The following DLG2 variants were observed in gnomAD, a reference collection of about 807,000 sequenced individuals.
DLG2 encodes discs large MAGUK scaffold protein 2, also known as disks large homolog 2.
DLG2 carries 45 observed loss-of-function variants against 132.5 expected under a neutral mutation model. The observed-to-expected ratio is 0.34, with a 90% CI of 0.27 to 0.44. DLG2 has a LOEUF of 0.44. Among genes scored for constraint, DLG2 ranks in the 20% least tolerant of loss-of-function variants. The pLI, the probability that DLG2 is intolerant of heterozygous loss-of-function variation, is 1.00. For missense variants in DLG2, 1,045 were observed against 1,196.9 expected, an observed-to-expected ratio of 0.87 and a Z score of 1.87; for synonymous variants, 424 against 419.6, an observed-to-expected ratio of 1.01 and a Z score of -0.13.
chr11:84,430,881 T>G (rs1233960107), intron 7 of DLG2, among the ~76,000 whole-genome samples: 1 of 152,192 alleles, frequency 6.6e-6, no homozygotes, highest in African/African-American at 2.4e-5. Flanking sequence ...AGGCAGACAC[T>G]GGCGCTGAGT....
intron 7 of DLG2, among the ~76,000 whole-genome samples, chr11:84,328,521 G>A (rs1366176431): frequency 6.6e-6 from 1 of 152,118 alleles, no homozygotes; most frequent in Non-Finnish European, 1.5e-5. Flanking sequence ...TTTTGGAGCT[G>A]TCATAACCAG....
intron 21 of DLG2, among the ~76,000 whole-genome samples, chr11:83,514,009 C>T (rs928996280): frequency 3.4e-4 from 52 of 152,130 alleles, no homozygotes; most frequent in African/African-American, 1.1e-3. Context: ...CTTGGCAATG[C>T]GGGCTCTTTT....
intron 6 of DLG2, among the ~76,000 whole-genome samples, chr11:84,934,142 GTCTT>G (rs1416689157): frequency 6.6e-6 from 1 of 151,838 alleles, no homozygotes; most frequent in Admixed American, 6.6e-5. Flanking sequence ...TGTGGTTTTT[GTCTT>G]TATTTCTGTT....
At chr11:83,779,211 A>ATCC (rs2094707589) in intron 18 of DLG2, among the ~76,000 whole-genome samples, 1 of 152,152 alleles carries the variant, frequency 6.6e-6, no homozygotes, top group Admixed American at 6.6e-5. Context: ...ATGAATGGAT[A>ATCC]AGCAGCTGGC....
At chr11:84,334,994 A>T (rs1027069897) in intron 7 of DLG2, among the ~76,000 whole-genome samples, 4 of 152,136 alleles carry the variant, frequency 2.6e-5, no homozygotes, top group South Asian at 4.1e-4. Flanking sequence ...CTACAGGAAG[A>T]AATACATTCC....
At position 83,915,525 on chromosome 11, in the gene DLG2, T is replaced by C. The variant is rs182649104; in HGVS notation, c.1496+14803A>G. Among the ~76,000 whole-genome samples, 806 of 152,314 alleles carry C rather than the reference T, an allele frequency of 5.3e-3. 12 individuals carry two copies. The highest frequency in any genetic ancestry group is 0.019 in the African/African-American group (771 of 41,578). ...AAAAGTAGTTAGTAAATGAGAACTA[T>C]AGCCATGTTAAAAATGTAAAAATCT... On this transcript the variant is annotated intron_variant, in intron 15 of 27. Transcript: ENST00000376104.
At chr11:84,806,457 A>G (rs2153966577) in intron 6 of DLG2, among the ~76,000 whole-genome samples, 1 of 152,328 alleles carries the variant, frequency 6.6e-6, no homozygotes, top group South Asian at 2.1e-4. Context: ...TTTTACCTAT[A>G]GGGAAAAATC....
intron 4 of DLG2, among the ~76,000 whole-genome samples, chr11:85,268,310 G>T (rs989291986): frequency 6.6e-6 from 1 of 152,158 alleles, no homozygotes; most frequent in Non-Finnish European, 1.5e-5. Context: ...AAACTTAAAA[G>T]AATGCAACCA....
intron 6 of DLG2, among the ~76,000 whole-genome samples, chr11:84,908,631 A>G (rs1289668814): frequency 1.3e-5 from 2 of 151,952 alleles, no homozygotes; most frequent in Non-Finnish European, 2.9e-5. Flanking sequence ...CATCGGAAAG[A>G]AAGACTGGGA....
Position 83,658,230 on chromosome 11 carries a change from T to G in DLG2, c.1826-24905A>C, listed in dbSNP as rs192495974. On this transcript the variant is annotated intron_variant, in intron 18 of 27. Coordinates refer to ENST00000376104, the MANE Select transcript of DLG2 (RefSeq NM_001142699.3). ...TACTTTCTATATCTAATGGGCTTTT[T>G]GAAAAATTACATTTTTATGTTCTTG... is the stretch of plus-strand genomic sequence containing the variant. Among the ~76,000 whole-genome samples the G allele has an allele frequency of 1.0e-3, 154 of 152,360 alleles. 1 individual carries two copies. The highest frequency in any genetic ancestry group is 8.7e-3 in the South Asian group (42 of 4,834).
At chr11:85,076,221 A>G (rs1050510696) in intron 6 of DLG2, among the ~76,000 whole-genome samples, 3 of 152,002 alleles carry the variant, frequency 2.0e-5, no homozygotes, top group Non-Finnish European at 4.4e-5. Context: ...CATTCCACAT[A>G]TGAAGGAATC....
chr11:85,582,104 A>G (rs1256436680), intron 3 of DLG2, among the ~76,000 whole-genome samples: 1 of 152,212 alleles, frequency 6.6e-6, no homozygotes, highest in East Asian at 1.9e-4. Flanking sequence ...CCCCCAATGA[A>G]GAGAAAAACA....
rs879564025 is a variant in DLG2 at position 85,198,106 on chromosome 11, GA to G, written c.187-43456del. ...AACACCTAAGACAGTCTTTTATAAA[GA>G]AAAAAAAAAGTGGCTCAAAGGTACT... is the stretch of plus-strand genomic sequence containing the variant. On this transcript the variant is annotated intron_variant, in intron 4 of 27. Coordinates refer to ENST00000376104, the MANE Select transcript of DLG2 (RefSeq NM_001142699.3). Among the ~76,000 whole-genome samples the G allele has an allele frequency of 2.3e-3, 336 of 147,610 alleles. 3 individuals carry two copies. Among genetic ancestry groups the G allele is most frequent in the African/African-American group, 7.5e-3 (305 of 40,406 alleles).
At chr11:84,851,720 C>G (rs893804203) in intron 6 of DLG2, among the ~76,000 whole-genome samples, 10 of 151,820 alleles carry the variant, frequency 6.6e-5, no homozygotes, top group African/African-American at 2.4e-4. Context: ...ACTATACACA[C>G]ACATATATAT....
intron 22 of DLG2, chr11:83,483,337 G>C (rs767108637): frequency 2.0e-6 from 3 of 1,526,948 alleles, no homozygotes; most frequent in African/African-American, 1.4e-5. Flanking sequence ...GAGAGAGGAA[G>C]AACAGCCACG....
intron 18 of DLG2, among the ~76,000 whole-genome samples, chr11:83,633,620 A>C (rs1278228084): frequency 2.0e-5 from 3 of 152,052 alleles, no homozygotes. Context: ...ATGGGAAGGC[A>C]GGGAGGTAGA....
At chr11:84,563,324 A>G (rs1291605371) in intron 6 of DLG2, among the ~76,000 whole-genome samples, 1 of 152,222 alleles carries the variant, frequency 6.6e-6, no homozygotes, top group Non-Finnish European at 1.5e-5. Context: ...TATGCATAGT[A>G]CTATTGTGAT....
intron 18 of DLG2, among the ~76,000 whole-genome samples, chr11:83,667,750 C>A (rs7106608): frequency 6.6e-6 from 1 of 151,540 alleles, no homozygotes; most frequent in Admixed American, 6.6e-5. Flanking sequence ...GAGGCCGAGG[C>A]GGGCGGATCA....
At chr11:84,454,111 G>C (rs549384038) in intron 7 of DLG2, among the ~76,000 whole-genome samples, 13 of 151,562 alleles carry the variant, frequency 8.6e-5, no homozygotes, top group African/African-American at 3.1e-4. Context: ...CTGAGTTAGG[G>C]TACTTTTATC....
Sources: allele counts gnomAD v4.1 joint callset (sites outside exome capture counted in the v4.1 genomes callset), GRCh38; gene constraint gnomAD v4.1.1; transcripts MANE v1.5; gene names NCBI Gene and HGNC (gene_info 2026-07-23, HGNC 2026-07-21).